EGFR: variants seen among roughly 807,000 people sequenced by gnomAD.
EGFR encodes epidermal growth factor receptor.
A neutral mutation model predicts 143.0 loss-of-function variants in EGFR; 58 were observed. That is an observed-to-expected ratio of 0.41 (90% CI 0.33 to 0.50). The LOEUF is 0.50. Ranked by LOEUF, EGFR falls within the 20% of genes least tolerant of loss-of-function variation. The pLI is 0.39. For missense variants in EGFR, 1,307 were observed against 1,579.0 expected, an observed-to-expected ratio of 0.83 and a Z score of 2.92; for synonymous variants, 613 against 594.4, an observed-to-expected ratio of 1.03 and a Z score of -0.45.
chr7:55,161,207 C>T (rs1302391740), intron 12 of EGFR, among the ~76,000 whole-genome samples: 1 of 152,230 alleles, frequency 6.6e-6, no homozygotes, highest in African/African-American at 2.4e-5. Flanking sequence ...GGAGGACTCA[C>T]GGCACCCCCT....
rs549459197 is a variant in EGFR, at chr7:55,208,152, T to C, written c.*2535T>C. 6.6e-6 allele frequency: 1 copy of C among 152,336 alleles called. No homozygotes were observed. The highest frequency in any genetic ancestry group is 2.1e-4 in the South Asian group (1 of 4,822). The allele number at this position is 152,336 out of a possible 1,614,324, so 9.4% of individuals were successfully genotyped here. A position where few individuals can be genotyped will look rare whatever the true frequency, so the allele number is the denominator to read the frequency against. On this transcript the variant is annotated 3_prime_UTR_variant, in exon 28 of 28. Transcript: ENST00000275493. ...TTGCTAAATTCTATTAATTTTAAGA[T>C]TGTGCTTCCCAAAATAGTTCTCACT... is the stretch of plus-strand genomic sequence containing the variant.
At chr7:55,155,723 G>A (rs901541559) in intron 7 of EGFR, 107 bp from the exon 8 acceptor site, 7 of 840,984 alleles carry the variant, frequency 8.3e-6, no homozygotes, top group Admixed American at 6.8e-5. Context: ...AAAGCCAAAG[G>A]AGGATGGAGC....
intron 19 of EGFR, among the ~76,000 whole-genome samples, chr7:55,176,896 T>A (rs191719477): frequency 6.8e-6 from 1 of 147,292 alleles, no homozygotes; most frequent in Non-Finnish European, 1.5e-5. Flanking sequence ...TTTAGAGATA[T>A]ATATCTCTAA....
rs200438791 is a variant in EGFR, at chr7:55,181,273, G to C, written c.2284-20G>C. 2 of 1,613,808 alleles carry C rather than the reference G, an allele frequency of 1.2e-6. No homozygotes were observed. Among genetic ancestry groups the C allele is most frequent in the South Asian group, 1.1e-5 (1 of 91,076 alleles). ...GGCCACCATGCGAAGCCACACTGAC[G>C]TGCCTCTCCCTCCCTCCAGGAAGCC... On this transcript the variant is annotated intron_variant, in intron 19 of 27. Transcript: ENST00000275493.
rs1794501614 is a variant in EGFR at position 55,142,280 on chromosome 7, T to C, written c.89-6T>C. On this transcript the variant is annotated splice_region_variant and splice_polypyrimidine_tract_variant and intron_variant, in intron 1 of 27. Transcript: ENST00000275493. ...ATTTCATGTGATATCTGTCTTTTTC[T>C]TCCAGTTTGCCAAGGCACGAGTAAC... The C allele has an allele frequency of 6.2e-7, 1 of 1,614,108 alleles. No homozygotes were observed. Among genetic ancestry groups the C allele is most frequent in the Admixed American group, 1.7e-5 (1 of 60,008 alleles).
chr7:55,180,143 T>G (rs1277470524), intron 19 of EGFR: 1 of 152,310 alleles, frequency 6.6e-6, no homozygotes, highest in Non-Finnish European at 1.5e-5. Flanking sequence ...TGTTCACTTC[T>G]GCAGAGAAAC....
rs772685017 is a variant in EGFR, at chr7:55,210,639, T to C, written c.*5022T>C. The C allele has an allele frequency of 6.6e-6, 1 of 152,214 alleles. No homozygotes were observed. Among genetic ancestry groups the C allele is most frequent in the African/African-American group, 2.4e-5 (1 of 41,446 alleles). 9.4% of individuals were successfully genotyped at this position (152,214 alleles called of 1,614,324 possible). A position where few individuals can be genotyped will look rare whatever the true frequency, so the allele number is the denominator to read the frequency against. On this transcript the variant is annotated 3_prime_UTR_variant, in exon 28 of 28. Transcript: ENST00000275493. ...GCTAAGACACAAAGACCTCCACATC[T>C]GTCGCTGAGAGTCAAGAACCTGAAC...
At chr7:55,025,491 A>G (rs1477186524) in intron 1 of EGFR, among the ~76,000 whole-genome samples, 1 of 152,138 alleles carries the variant, frequency 6.6e-6, no homozygotes, top group Non-Finnish European at 1.5e-5. Context: ...AAGGGAAGGG[A>G]GGAGAAGAGG....
chr7:55,113,109 C>T (rs1238896807), intron 1 of EGFR, among the ~76,000 whole-genome samples: 1 of 152,176 alleles, frequency 6.6e-6, no homozygotes. Flanking sequence ...AGGGGAGCAG[C>T]GATTCCTGTA....
chr7:55,166,574 A>G (rs201666759), intron 15 of EGFR, among the ~76,000 whole-genome samples: 2 of 151,058 alleles, frequency 1.3e-5, no homozygotes, highest in Non-Finnish European at 3.0e-5. Context: ...TGGGATGGTG[A>G]TGAGGAGGTG....
chr7:55,095,108 G>A (rs1791372476), intron 1 of EGFR, among the ~76,000 whole-genome samples: 1 of 152,198 alleles, frequency 6.6e-6, no homozygotes, highest in Admixed American at 6.5e-5. Flanking sequence ...CGCTAGCACA[G>A]CTCATGCCCA....
intron 1 of EGFR, among the ~76,000 whole-genome samples, chr7:55,121,364 C>G (rs1340803507): frequency 6.6e-6 from 1 of 152,232 alleles, no homozygotes; most frequent in East Asian, 1.9e-4. Flanking sequence ...ATGGGAGCCC[C>G]GTGCCTCTGG....
At chr7:55,097,429 A>C (rs1791545300) in intron 1 of EGFR, among the ~76,000 whole-genome samples, 1 of 152,182 alleles carries the variant, frequency 6.6e-6, no homozygotes, top group Non-Finnish European at 1.5e-5. Context: ...AACCAGCCCA[A>C]ATATCCATCA....
chr7:55,151,875 A>AAACAAC lies in EGFR; in HGVS notation c.628+534_628+539dup, dbSNP rs17336556. On this transcript the variant is annotated intron_variant, in intron 5 of 27. Transcript: ENST00000275493. ...GGCGACAGAGCGAGACTCCGTCTCA[A>AAACAAC]AACAACAACAACAACAACAACAACA... Among the ~76,000 whole-genome samples, 6 of 151,256 alleles carry AAACAAC rather than the reference A, an allele frequency of 4.0e-5. No individual in the cohort carries two copies. The South Asian group carries it at 6.3e-4, about 16-fold the overall frequency.
At chr7:55,043,011 C>T (rs948165892) in intron 1 of EGFR, among the ~76,000 whole-genome samples, 2 of 151,998 alleles carry the variant, frequency 1.3e-5, no homozygotes, top group Admixed American at 6.6e-5. Context: ...ATATATATTC[C>T]ACCTCTTTCA....
intron 1 of EGFR, among the ~76,000 whole-genome samples, chr7:55,089,437 A>G (rs1790969223): frequency 6.6e-6 from 1 of 152,216 alleles, no homozygotes; most frequent in Admixed American, 6.5e-5. Context: ...AAGTTTTAAT[A>G]TATATCCAGA....
intron 1 of EGFR, among the ~76,000 whole-genome samples, chr7:55,026,125 C>A (rs1469815890): frequency 6.6e-6 from 1 of 152,148 alleles, no homozygotes; most frequent in East Asian, 1.9e-4. Flanking sequence ...TGGAGCCTGG[C>A]ACACACACAT....
intron 1 of EGFR, among the ~76,000 whole-genome samples, chr7:55,131,146 A>T (rs1345819525): frequency 6.6e-6 from 1 of 152,098 alleles, no homozygotes. Flanking sequence ...CATGATTAAG[A>T]TGTTGCCTTC....
chr7:55,152,373 A>T, intron 5 of EGFR, 173 bp from the exon 6 acceptor site: 2 of 776,374 alleles, frequency 2.6e-6, no homozygotes, highest in Non-Finnish European at 4.7e-6. Context: ...AAATCAGGAG[A>T]AAAAAGAGGC....
Sources: gnomAD v4.1 joint callset for allele counts (sites outside exome capture counted in the v4.1 genomes callset) on GRCh38, gnomAD v4.1.1 for gene constraint, MANE v1.5 for transcripts, NCBI Gene and HGNC (gene_info 2026-07-23, HGNC 2026-07-21) for gene names.